The following SCG3 variants were observed in gnomAD, a reference collection of about 807,000 sequenced individuals.
The protein encoded by SCG3 is secretogranin III.
Under a neutral mutation model 56.2 loss-of-function variants are expected in SCG3, and 38 were observed. The observed-to-expected ratio is 0.68, with a 90% CI of 0.52 to 0.89. The LOEUF is 0.89. SCG3 is among the 40% of genes least tolerant of loss of function. The probability of loss-of-function intolerance (pLI) is 0.00; values close to 1 mark genes in which losing one functional copy is unlikely to be tolerated. For synonymous variants in SCG3, 176 were observed against 184.2 expected, an observed-to-expected ratio of 0.96 and a Z score of 0.36; for missense variants, 524 against 540.7, an observed-to-expected ratio of 0.97 and a Z score of 0.31.
chr15:51,701,076 G>A, intron 9 of SCG3, 31 bp from the exon 10 acceptor site: 1 of 1,611,806 alleles, frequency 6.2e-7, no homozygotes, highest in South Asian at 1.1e-5. Context: ...AGGAAACAGG[G>A]CTATGACAAC....
chr15:51,717,000 A>G (rs2055460908), intron 11 of SCG3, among the ~76,000 whole-genome samples: 1 of 151,706 alleles, frequency 6.6e-6, no homozygotes, highest in South Asian at 2.1e-4. Context: ...CCAAGGTGGG[A>G]GGATCACTTG....
intron 7 of SCG3, 47 bp downstream of exon 7, chr15:51,692,383 C>G: frequency 2.0e-6 from 3 of 1,531,108 alleles, no homozygotes; most frequent in Non-Finnish European, 2.7e-6. Flanking sequence ...AGAGTGATTC[C>G]AGGAAATGTA....
intron 4 of SCG3, among the ~76,000 whole-genome samples, chr15:51,685,503 A>T (rs2055223022): frequency 6.6e-6 from 1 of 152,220 alleles, no homozygotes; most frequent in Non-Finnish European, 1.5e-5. Flanking sequence ...GGTTTACCGT[A>T]GGAGGTATTA....
intron 4 of SCG3, among the ~76,000 whole-genome samples, chr15:51,686,578 G>GCAAT (rs1240073183): frequency 2.6e-5 from 4 of 152,144 alleles, no homozygotes; most frequent in Non-Finnish European, 5.9e-5. Flanking sequence ...AGCCTGACTT[G>GCAAT]CAATCCGCAA....
intron 7 of SCG3, among the ~76,000 whole-genome samples, chr15:51,694,788 T>C (rs900829253): frequency 3.3e-5 from 5 of 152,202 alleles, no homozygotes; most frequent in Non-Finnish European, 7.4e-5. Flanking sequence ...CCCCACACTT[T>C]GGGAGGCCAA....
intron 10 of SCG3, among the ~76,000 whole-genome samples, chr15:51,709,511 G>T (rs2055398022): frequency 6.7e-6 from 1 of 149,548 alleles, no homozygotes; most frequent in African/African-American, 2.5e-5. Context: ...ACATATGGAT[G>T]TAGTATATCT....
In SCG3 at chr15:51,695,896, A is replaced by T. The variant is rs756615973; in HGVS notation, c.890A>T (p.Glu297Val). The T allele has an allele frequency of 2.7e-5, 43 of 1,603,896 alleles. No individual in the cohort carries two copies. Among genetic ancestry groups the T allele is most frequent in the Non-Finnish European group, 3.6e-5 (42 of 1,172,084 alleles). ...ATAGAAAAAGAAGCAAAAGAGAAAG[A>T]AACACTGATTACTATCATGAAAACA... ...IDSEKEAKEKETLITIMKTLI... is the reference protein window; with the variant it reads ...IDSEKEAKEKVTLITIMKTLI... Residue 297 changes from glutamate (E) to valine (V), a missense_variant, in exon 8 of 12, where the codon GAA becomes GTA. Glu to Val is a moderately radical substitution (Grantham distance 121). Transcript: ENST00000220478.
chr15:51,720,182 AAG>A lies in SCG3; in HGVS notation c.*662_*663del, dbSNP rs2055487367. ...TTTTCAGACATTGAGTTTACTTATA[AAG>A]AGAGATATTTATGTACTCTCTAAGA... On this transcript the variant is annotated 3_prime_UTR_variant, in exon 12 of 12. Transcript: ENST00000220478. 1 of 152,256 alleles carries A rather than the reference AAG, an allele frequency of 6.6e-6. No homozygotes were observed. Among genetic ancestry groups the A allele is most frequent in the Non-Finnish European group, 1.5e-5 (1 of 68,058 alleles). The allele number at this position is 152,256 out of a possible 1,614,324, so 9.4% of individuals were successfully genotyped here. A position where few individuals can be genotyped will look rare whatever the true frequency, so the allele number is the denominator to read the frequency against.
intron 11 of SCG3, among the ~76,000 whole-genome samples, chr15:51,717,644 A>T (rs2055466820): frequency 6.6e-6 from 1 of 152,264 alleles, no homozygotes. Flanking sequence ...ATGAAGAGAT[A>T]CATAGGGTGA....
At chr15:51,702,508 A>C (rs35776517) in intron 10 of SCG3, among the ~76,000 whole-genome samples, 34,679 of 152,064 alleles carry the variant, frequency 0.23, 4,160 homozygotes, top group African/African-American at 0.26. Flanking sequence ...CCCCCCGCCT[A>C]GGCCTCCCAA....
chr15:51,718,199 T>TAGATAGATAGAC (rs371911245), intron 11 of SCG3, among the ~76,000 whole-genome samples: 10 of 149,010 alleles, frequency 6.7e-5, no homozygotes, highest in African/African-American at 2.2e-4. Flanking sequence ...GATAGATAGA[T>TAGATAGATAGAC]AGACAGACAG....
rs937690358 is a variant in SCG3, at chr15:51,701,157, G to C, written c.1120G>C (p.Ala374Pro). ...EETDSTKEEA[A>P]KMEKEYGSLK... Reference sequence around the variant, plus strand: ...AACAGACAGTACCAAGGAAGAAGCAGCTAAGATGGAAAAGGAATATGGAAG... The same window carrying C: ...AACAGACAGTACCAAGGAAGAAGCACCTAAGATGGAAAAGGAATATGGAAG... Residue 374 changes from alanine to proline, a missense_variant, in exon 10 of 12, where the codon GCT becomes CCT. By Grantham distance (27) the Ala-to-Pro change is conservative. Transcript: ENST00000220478. 1.2e-6 allele frequency: 2 copies of C among 1,613,870 alleles called. No individual in the cohort carries two copies. The highest frequency in any genetic ancestry group is 1.7e-6 in the Non-Finnish European group (2 of 1,179,898).
chr15:51,689,134 G>A (rs2055249484), intron 5 of SCG3, 85 bp from the exon 6 acceptor site: 2 of 1,389,040 alleles, frequency 1.4e-6, no homozygotes, highest in Non-Finnish European at 2.0e-6. Context: ...AAAAATACAT[G>A]TTTGACTACA....
In SCG3 at chr15:51,688,225, T is replaced by A; in HGVS notation, c.398-35T>A. ...TATGATGCATGAAATAGATCTATGA[T>A]CACTATGGTGTGAAGTTGTGGTCGT... is the stretch of plus-strand genomic sequence containing the variant. On this transcript the variant is annotated intron_variant, in intron 4 of 11. Coordinates refer to ENST00000220478, the MANE Select transcript of SCG3 (RefSeq NM_013243.4). 3 of 1,589,922 alleles carry A rather than the reference T, an allele frequency of 1.9e-6. No individual in the cohort carries two copies. The Admixed American group carries it at 5.1e-5, about 27-fold the overall frequency.
In SCG3 at chr15:51,683,206, G is replaced by A; in HGVS notation, c.182-13G>A. ...CTAAAATGGCTGTGTTGGGTTTGGGGCTATTCTTCCAGAAAACAAGCCAGG... is the reference window on the plus strand; with the variant it reads ...CTAAAATGGCTGTGTTGGGTTTGGGACTATTCTTCCAGAAAACAAGCCAGG... On this transcript the variant is annotated splice_polypyrimidine_tract_variant and intron_variant, in intron 3 of 11. Transcript: ENST00000220478. 1 of 1,611,056 alleles carries A rather than the reference G, an allele frequency of 6.2e-7. No individual in the cohort carries two copies. The highest frequency in any genetic ancestry group is 8.5e-7 in the Non-Finnish European group (1 of 1,177,960).
chr15:51,704,764 CATATATATATATATATAT>C (rs56192434), intron 10 of SCG3, among the ~76,000 whole-genome samples: 824 of 67,056 alleles, frequency 0.012, 84 homozygotes, highest in Non-Finnish European at 0.023. Flanking sequence ...GTGAGTAATA[CATATATATATATATATAT>C]ATATATATAT....
intron 10 of SCG3, among the ~76,000 whole-genome samples, chr15:51,705,385 C>A (rs1051736831): frequency 6.6e-6 from 1 of 152,124 alleles, no homozygotes; most frequent in Admixed American, 6.5e-5. Context: ...CTCTGTAGTC[C>A]ACTATTGCCT....
At chr15:51,712,828 G>A (rs190644643) in intron 10 of SCG3, among the ~76,000 whole-genome samples, 8 of 152,164 alleles carry the variant, frequency 5.3e-5, no homozygotes, top group Admixed American at 2.0e-4. Context: ...GTTTTTGCCC[G>A]CCCCCTGCCA....
intron 10 of SCG3, 144 bp from the exon 11 acceptor site, chr15:51,713,189 A>G (rs778240202): frequency 3.4e-6 from 2 of 579,772 alleles, no homozygotes; most frequent in African/African-American, 1.9e-5. Context: ...ACACATACAA[A>G]TATGTACATT....
Sources: gnomAD v4.1 joint callset for allele counts (sites outside exome capture counted in the v4.1 genomes callset) on GRCh38, gnomAD v4.1.1 for gene constraint, MANE v1.5 for transcripts, NCBI Gene and HGNC (gene_info 2026-07-23, HGNC 2026-07-21) for gene names.